The following CANX variants were observed in gnomAD, a reference collection of about 807,000 sequenced individuals.
CANX encodes the protein epididymis secretory sperm binding protein.
CANX carries 14 observed loss-of-function variants against 75.7 expected under a neutral mutation model. That is an observed-to-expected ratio of 0.19 (90% CI 0.12 to 0.29). The LOEUF is 0.29. Ranked by LOEUF, CANX falls within the 10% of genes least tolerant of loss-of-function variation. The pLI is 1.00. For missense variants in CANX, 567 were observed against 713.2 expected (o/e 0.79, Z 2.34); for synonymous variants, 227 against 236.9 (o/e 0.96, Z 0.38).
chr5:179,712,196 G>C (rs1006069254), intron 7 of CANX, among the ~76,000 whole-genome samples: 2 of 145,554 alleles, frequency 1.4e-5, no homozygotes, highest in African/African-American at 2.5e-5. Context: ...GAGAAATGTT[G>C]AATAATAGAA....
rs916309247 is a variant in CANX at position 179,685,440 on chromosome 5, G to A, written c.-4+6663G>A. On this transcript the variant is annotated intron_variant, in intron 1 of 14. Transcript: ENST00000681674. The stretch of plus-strand genomic sequence containing the variant: ...ATTTTGTATTTTTAGTAGAGACGGT[G>A]TTTCTCTATGTTGGTCAGGCTGGTC... Among the ~76,000 whole-genome samples the A allele has an allele frequency of 2.7e-5, 4 of 150,016 alleles. No individual in the cohort carries two copies. In the East Asian group the frequency reaches 8.0e-4, roughly 30 times the overall value.
At chr5:179,720,323 C>A in intron 9 of CANX, 81 bp from the exon 10 acceptor site, 1 of 1,025,866 alleles carries the variant, frequency 9.7e-7, no homozygotes, top group Non-Finnish European at 1.5e-6. Context: ...TCAGCAGGAT[C>A]TTGGCAGCCC....
chr5:179,728,730 T>C lies in CANX; in HGVS notation c.*86T>C, dbSNP rs866118322. The C allele has an allele frequency of 2.2e-6, 2 of 908,482 alleles. No homozygotes were observed. Among genetic ancestry groups the C allele is most frequent in the Admixed American group, 1.8e-5 (1 of 55,024 alleles). The allele number at this position is 908,482 out of a possible 1,614,324, so 56.3% of individuals were successfully genotyped here. A position where few individuals can be genotyped will look rare whatever the true frequency, so the allele number is the denominator to read the frequency against. The stretch of plus-strand genomic sequence containing the variant: ...AGGAGAGGACCTGGCACACCTTAGG[T>C]TGACATTCAGAAAACTTCAAGACAT... On this transcript the variant is annotated 3_prime_UTR_variant, in exon 15 of 15. Coordinates refer to ENST00000247461, the MANE Select transcript of CANX (RefSeq NM_001746.4).
chr5:179,721,004 G>A lies in CANX; in HGVS notation c.1182+444G>A, dbSNP rs748496404. On this transcript the variant is annotated intron_variant, in intron 10 of 14. Coordinates refer to ENST00000247461, the MANE Select transcript of CANX (RefSeq NM_001746.4). ...TCACCATGTTGGCCAGGCTGGTCTC[G>A]AACTCCTGACCTCGCGATCCGCCCA... Among the ~76,000 whole-genome samples the A allele has an allele frequency of 6.6e-5, 10 of 151,790 alleles. 1 individual carries two copies. The highest frequency in any genetic ancestry group is 1.2e-4 in the Non-Finnish European group (8 of 67,960).
intron 1 of CANX, among the ~76,000 whole-genome samples, chr5:179,682,337 G>A (rs10066644): frequency 0.19 from 29,595 of 151,888 alleles, 2,994 homozygotes; most frequent in East Asian, 0.27. Context: ...AGCACTTTGG[G>A]AGGCTGAGGC....
chr5:179,720,665 T>C, intron 10 of CANX, 105 bp downstream of exon 10: 1 of 1,010,786 alleles, frequency 9.9e-7, no homozygotes. Context: ...ATTCAAGCTG[T>C]TGAATTAAAA....
At chr5:179,680,771 G>A in intron 1 of CANX, 1 of 856,556 alleles carries the variant, frequency 1.2e-6, no homozygotes, top group East Asian at 2.7e-5. Flanking sequence ...TGGGCAGTGA[G>A]AAGAGAAAGA....
rs1333160810 is a variant in CANX, at chr5:179,728,975, C to T, written c.*331C>T. 1 of 357,974 alleles carries T rather than the reference C, an allele frequency of 2.8e-6. No homozygotes were observed. The highest frequency in any genetic ancestry group is 2.2e-5 in the African/African-American group (1 of 46,328). The allele number at this position is 357,974 out of a possible 1,614,324, so 22.2% of individuals were successfully genotyped here. On this transcript the variant is annotated 3_prime_UTR_variant, in exon 15 of 15. Transcript: ENST00000247461. ...ACTTTGCCAGTCTTTAAGATCTTGG[C>T]TTAATTTAATGTATTAATCTGTTTG...
intron 10 of CANX, among the ~76,000 whole-genome samples, chr5:179,720,904 C>T (rs1422976994): frequency 6.6e-6 from 1 of 152,104 alleles, no homozygotes; most frequent in Non-Finnish European, 1.5e-5. Flanking sequence ...TTGCCTCAGA[C>T]TCCCGAGTAG....
At chr5:179,715,924 T>A (rs1777917807) in intron 7 of CANX, 181 bp from the exon 8 acceptor site, 1 of 690,170 alleles carries the variant, frequency 1.4e-6, no homozygotes, top group South Asian at 1.5e-5. Context: ...ATCATTTATG[T>A]TTCGTGCATA....
chr5:179,691,300 C>A (rs1216609569), intron 1 of CANX, among the ~76,000 whole-genome samples: 1 of 152,108 alleles, frequency 6.6e-6, no homozygotes, highest in Non-Finnish European at 1.5e-5. Context: ...GCTGGGATTA[C>A]AGGTGTGAGC....
At chr5:179,710,665 G>T (rs1189384645) in intron 7 of CANX, among the ~76,000 whole-genome samples, 1 of 117,746 alleles carries the variant, frequency 8.5e-6, no homozygotes, top group African/African-American at 3.1e-5. Flanking sequence ...CCGAGATCGC[G>T]CCACTGCACT....
chr5:179,715,023 C>T (rs1481740573), intron 7 of CANX, among the ~76,000 whole-genome samples: 1 of 152,164 alleles, frequency 6.6e-6, no homozygotes. Context: ...CGTTAGCCTC[C>T]CAAAGTGCTG....
Position 179,710,192 on chromosome 5 carries a change from A to T in CANX, c.721+127A>T, listed in dbSNP as rs551567707. 1.7e-4 allele frequency: 95 copies of T among 565,138 alleles called. 1 individual carries two copies. In the African/African-American group the frequency reaches 1.7e-3, roughly 10 times the overall value. The allele number at this position is 565,138 out of a possible 1,614,324, so 35.0% of individuals were successfully genotyped here. A position where few individuals can be genotyped will look rare whatever the true frequency, so the allele number is the denominator to read the frequency against. On this transcript the variant is annotated intron_variant, in intron 7 of 14. Transcript: ENST00000247461. ...AATCCCAGCACTTTGGGAGGCCGAG[A>T]TGGGCAGATCACCTGAGATCAGGAA...
At chr5:179,707,918 C>T (rs1446436867) in intron 4 of CANX, among the ~76,000 whole-genome samples, 1 of 152,088 alleles carries the variant, frequency 6.6e-6, no homozygotes, top group African/African-American at 2.4e-5. Context: ...CTCACCGCAA[C>T]CTCTGTTTCT....
At chr5:179,682,467 T>C (rs1001363741) in intron 1 of CANX, among the ~76,000 whole-genome samples, 1 of 151,906 alleles carries the variant, frequency 6.6e-6, no homozygotes, top group Admixed American at 6.6e-5. Context: ...TCCCAGCACC[T>C]TGGGAGGCCG....
In CANX at chr5:179,730,110, A is replaced by G. The variant is rs976881362; in HGVS notation, c.*1466A>G. 3 of 152,550 alleles carry G rather than the reference A, an allele frequency of 2.0e-5. No individual in the cohort carries two copies. Among genetic ancestry groups the G allele is most frequent in the African/African-American group, 7.2e-5 (3 of 41,422 alleles). 9.4% of individuals were successfully genotyped at this position (152,550 alleles called of 1,614,324 possible). On this transcript the variant is annotated 3_prime_UTR_variant, in exon 15 of 15. Transcript: ENST00000247461. ...TAATGTTATTATTACTCTACACTGA[A>G]ACGTATTCAGAGTTAGATATTATTT... is the stretch of plus-strand genomic sequence containing the variant.
intron 7 of CANX, among the ~76,000 whole-genome samples, chr5:179,711,714 T>A (rs11956723): frequency 2.0e-5 from 3 of 149,030 alleles, no homozygotes; most frequent in Non-Finnish European, 2.9e-5. Context: ...GCTTGAACCC[T>A]GGAAGCGGAG....
upstream of CANX, chr5:179,698,648 C>CA (rs1776502070): frequency 2.5e-6 from 3 of 1,203,232 alleles, no homozygotes; most frequent in African/African-American, 4.7e-5. Context: ...GAAGGCACCA[C>CA]AGCAACCGAC....
Sources: allele counts gnomAD v4.1 joint callset (sites outside exome capture counted in the v4.1 genomes callset), GRCh38; gene constraint gnomAD v4.1.1; transcripts MANE v1.5; gene names NCBI Gene and HGNC (gene_info 2026-07-23, HGNC 2026-07-21).